The following GRK3 variants were observed in gnomAD, a reference collection of about 807,000 sequenced individuals.
GRK3 encodes the protein G protein-coupled receptor kinase 3, also known as adrenergic, beta, receptor kinase 2.
A neutral mutation model predicts 95.7 loss-of-function variants in GRK3; 54 were observed. The ratio of observed to expected loss-of-function variants is 0.56; its 90% CI spans 0.45 to 0.71. The LOEUF is 0.71. Among genes scored for constraint, GRK3 ranks in the 30% least tolerant of loss-of-function variants. The pLI is 0.00. For synonymous variants in GRK3, 281 were observed against 290.8 expected, an observed-to-expected ratio of 0.97 and a Z score of 0.34; for missense variants, 649 against 851.2, an observed-to-expected ratio of 0.76 and a Z score of 2.96.
chr22:25,610,415 C>A (rs138592164), intron 2 of GRK3, among the ~76,000 whole-genome samples: 1 of 152,132 alleles, frequency 6.6e-6, no homozygotes, highest in African/African-American at 2.4e-5. Context: ...CTTAGTGAGT[C>A]GTGATCGCAT....
chr22:25,695,865 C>G (rs1381370435), intron 13 of GRK3, among the ~76,000 whole-genome samples: 2 of 145,428 alleles, frequency 1.4e-5, no homozygotes, highest in Non-Finnish European at 3.0e-5. Context: ...TGAGACGTCT[C>G]GCTCTGTCTC....
chr22:25,703,650 G>T (rs1047821294), intron 14 of GRK3, 74 bp downstream of exon 14: 1 of 1,129,806 alleles, frequency 8.9e-7, no homozygotes, highest in African/African-American at 1.5e-5. Context: ...ATAAAAAAAT[G>T]CTATTACATA....
At chr22:25,628,642 A>G (rs2084643855) in intron 2 of GRK3, among the ~76,000 whole-genome samples, 1 of 152,236 alleles carries the variant, frequency 6.6e-6, no homozygotes, top group African/African-American at 2.4e-5. Flanking sequence ...ACTTGCTTTT[A>G]TATTGTATTC....
intron 12 of GRK3, among the ~76,000 whole-genome samples, 197 bp from the exon 13 acceptor site, chr22:25,694,910 C>T (rs1356673237): frequency 2.0e-5 from 3 of 152,206 alleles, no homozygotes; most frequent in Non-Finnish European, 4.4e-5. Flanking sequence ...TATGTTAATT[C>T]ATACATGAGT....
chr22:25,703,513 C>T lies in GRK3; in HGVS notation c.1164C>T (p.His388=), dbSNP rs781554159. The part of the protein sequence containing the change: ...GCMLFKLLRG[H]SPFRQHKTKD... Reference sequence around the variant, plus strand: ...GAACAATTCTTTATTTCTACAGTCACAGCCCTTTCAGACAACATAAAACCA... The same window carrying T: ...GAACAATTCTTTATTTCTACAGTCATAGCCCTTTCAGACAACATAAAACCA... The change falls in exon 14 of 21, where the codon CAC becomes CAT. Residue 388 remains histidine, a synonymous_variant. Transcript: ENST00000324198. 120 of 1,611,462 alleles carry T rather than the reference C, an allele frequency of 7.4e-5. No individual in the cohort carries two copies. The highest frequency in any genetic ancestry group is 9.6e-5 in the Non-Finnish European group (113 of 1,177,906).
intron 2 of GRK3, among the ~76,000 whole-genome samples, chr22:25,607,932 T>C (rs1249234343): frequency 4.6e-5 from 7 of 152,078 alleles, no homozygotes; most frequent in Non-Finnish European, 1.0e-4. Context: ...TCCTGTAAAC[T>C]GAGACTTTGC....
At chr22:25,710,597 TAAAG>T (rs1215670876) in intron 16 of GRK3, among the ~76,000 whole-genome samples, 1 of 152,238 alleles carries the variant, frequency 6.6e-6, no homozygotes, top group Non-Finnish European at 1.5e-5. Flanking sequence ...TTTTCTGTAG[TAAAG>T]AAAGACTGAT....
chr22:25,579,454 A>T (rs928977081), intron 1 of GRK3, among the ~76,000 whole-genome samples: 5 of 151,142 alleles, frequency 3.3e-5, no homozygotes, highest in African/African-American at 9.7e-5. Flanking sequence ...CCAATGAATG[A>T]GGGGACTTCT....
At chr22:25,703,687 G>A (rs905866679) in intron 14 of GRK3, 111 bp downstream of exon 14, 5 of 764,624 alleles carry the variant, frequency 6.5e-6, no homozygotes, top group Middle Eastern at 2.5e-4. Flanking sequence ...ATAAAATTAT[G>A]TATAGACATA....
At chr22:25,572,537 C>T (rs977473073) in intron 1 of GRK3, among the ~76,000 whole-genome samples, 8 of 152,258 alleles carry the variant, frequency 5.3e-5, no homozygotes, top group African/African-American at 1.4e-4. Flanking sequence ...TTTTAATGAT[C>T]GCCCTTCTAA....
At chr22:25,647,462 G>A (rs1184466340) in intron 3 of GRK3, 3 of 1,324,884 alleles carry the variant, frequency 2.3e-6, no homozygotes, top group Admixed American at 3.4e-5. Flanking sequence ...ATCCTCAGGG[G>A]TAACACCTTT....
intron 2 of GRK3, among the ~76,000 whole-genome samples, chr22:25,623,772 T>G (rs1336178583): frequency 6.6e-6 from 1 of 152,200 alleles, no homozygotes; most frequent in Non-Finnish European, 1.5e-5. Context: ...TTCTCGTCCT[T>G]GTCTCTCCTG....
chr22:25,655,486 C>T (rs2084863950), intron 3 of GRK3, among the ~76,000 whole-genome samples: 1 of 152,190 alleles, frequency 6.6e-6, no homozygotes, highest in African/African-American at 2.4e-5. Flanking sequence ...TCTGTTTGTG[C>T]AGCTATTTCC....
At chr22:25,636,505 C>T (rs772414464) in intron 2 of GRK3, among the ~76,000 whole-genome samples, 3 of 152,000 alleles carry the variant, frequency 2.0e-5, no homozygotes, top group Non-Finnish European at 4.4e-5. Flanking sequence ...AAATAGTTTC[C>T]GAACTGCTAA....
intron 18 of GRK3, among the ~76,000 whole-genome samples, 177 bp downstream of exon 18, chr22:25,714,747 C>T (rs1161236541): frequency 6.6e-6 from 1 of 152,196 alleles, no homozygotes; most frequent in African/African-American, 2.4e-5. Flanking sequence ...TCAAAGTCTT[C>T]AGGCAGCACA....
At chr22:25,694,889 A>G (rs1047260730) in intron 12 of GRK3, among the ~76,000 whole-genome samples, 1 of 152,198 alleles carries the variant, frequency 6.6e-6, no homozygotes, top group Non-Finnish European at 1.5e-5. Context: ...TATTTATTTC[A>G]TACGCTTATT....
At chr22:25,684,767 G>A (rs2085099904) in intron 9 of GRK3, among the ~76,000 whole-genome samples, 1 of 152,150 alleles carries the variant, frequency 6.6e-6, no homozygotes, top group Non-Finnish European at 1.5e-5. Flanking sequence ...AATTATTAAT[G>A]TTGTGTCTCT....
In GRK3 at chr22:25,711,079, C is replaced by G; in HGVS notation, c.1407C>G (p.Pro469=). The G allele has an allele frequency of 6.2e-7, 1 of 1,612,178 alleles. No individual in the cohort carries two copies. The highest frequency in any genetic ancestry group is 1.7e-5 in the Admixed American group (1 of 59,758). Residue 469 remains proline (P), a synonymous_variant, in exon 17 of 21, where the codon CCC becomes CCG. Transcript: ENST00000324198. The part of the protein sequence containing the change: ...QHVYLQKYPP[P]LIPPRGEVNA... ...TTTGGATCTTCCAGTACCCACCACC[C>G]TTGATTCCTCCCCGGGGAGAAGTCA...
chr22:25,688,052 C>A (rs12168059), intron 11 of GRK3, among the ~76,000 whole-genome samples: 1 of 152,072 alleles, frequency 6.6e-6, no homozygotes, highest in Non-Finnish European at 1.5e-5. Flanking sequence ...CTGGCTAACA[C>A]AGTGAAACCC....
Sources: allele counts gnomAD v4.1 joint callset (sites outside exome capture counted in the v4.1 genomes callset), GRCh38; gene constraint gnomAD v4.1.1; transcripts MANE v1.5; gene names NCBI Gene and HGNC (gene_info 2026-07-23, HGNC 2026-07-21).